The following TMEM62 variants were observed in gnomAD, a reference collection of about 807,000 sequenced individuals.
TMEM62 encodes the protein transmembrane protein 62.
In TMEM62, 41 loss-of-function variants were observed where a neutral mutation model predicts 70.4. That is an observed-to-expected ratio of 0.58 (90% confidence interval 0.45 to 0.76). The LOEUF (loss-of-function observed/expected upper bound fraction) is 0.76, where lower values mean the gene tolerates loss of function less well. Ranked by LOEUF, TMEM62 falls within the 30% of genes least tolerant of loss-of-function variation. TMEM62 has a pLI of 0.00. For missense variants in TMEM62, 688 were observed against 788.5 expected (o/e 0.87, Z 1.53); for synonymous variants, 268 against 291.0 (o/e 0.92, Z 0.80).
At chr15:43,169,923 C>T (rs1011426303) in intron 11 of TMEM62, 10 of 323,442 alleles carry the variant, frequency 3.1e-5, no homozygotes, top group East Asian at 2.7e-4. Flanking sequence ...TGCATTGCTT[C>T]GGCCCCAAAA....
Position 43,171,541 on chromosome 15 carries a change from A to C in TMEM62, c.1381+1864A>C, listed in dbSNP as rs1037804835. ...CCATAAGACAAAAAAATTACTTAAA[A>C]TTTTTTTATTCCTTTATATTGAGAC... On this transcript the variant is annotated intron_variant, in intron 11 of 13. Transcript: ENST00000260403. Among the ~76,000 whole-genome samples, 3 of 150,774 alleles carry C rather than the reference A, an allele frequency of 2.0e-5. No individual in the cohort carries two copies. The South Asian group carries it at 6.3e-4, about 32-fold the overall frequency.
At chr15:43,148,657 TA>T in intron 5 of TMEM62, 97 bp from the exon 6 acceptor site, 1 of 1,410,588 alleles carries the variant, frequency 7.1e-7, no homozygotes. Context: ...ACACATATAA[TA>T]ATTATTATAA....
intron 2 of TMEM62, among the ~76,000 whole-genome samples, chr15:43,134,665 G>C (rs2034954281): frequency 6.6e-6 from 1 of 152,178 alleles, no homozygotes; most frequent in Non-Finnish European, 1.5e-5. Context: ...TTTTGTTCTT[G>C]TTGTTGTTAC....
chr15:43,133,494 C>T, upstream of TMEM62: 1 of 269,632 alleles, frequency 3.7e-6, no homozygotes, highest in Non-Finnish European at 7.0e-6. Flanking sequence ...TCCCGGTCTC[C>T]TTCCCCGCCA....
At chr15:43,138,525 CT>C in intron 3 of TMEM62, 48 bp from the exon 4 acceptor site, 4 of 1,389,178 alleles carry the variant, frequency 2.9e-6, no homozygotes, top group Non-Finnish European at 3.0e-6. Context: ...TGTTTGTATT[CT>C]TTTTTTAATG....
chr15:43,184,292 C>T lies in TMEM62; in HGVS notation c.1638C>T (p.Tyr546=). ...TTTTTAACATCCCCTTGATGGCTTA[C>T]ATGTGTTGGAGCTTGCTGCAGCGGT... is the stretch of plus-strand genomic sequence containing the variant. The part of the protein sequence containing the change: ...LAFFNIPLMA[Y]MCWSLLQRCF... Residue 546 remains tyrosine (Y), a synonymous_variant, in exon 14 of 14, where the codon TAC becomes TAT. Coordinates refer to ENST00000260403, the MANE Select transcript of TMEM62 (RefSeq NM_024956.4). 1.2e-6 allele frequency: 2 copies of T among 1,614,108 alleles called. No homozygotes were observed. Among genetic ancestry groups the T allele is most frequent in the Non-Finnish European group, 8.5e-7 (1 of 1,179,966 alleles).
intron 11 of TMEM62, among the ~76,000 whole-genome samples, chr15:43,173,449 G>A (rs943922564): frequency 2.6e-5 from 4 of 152,152 alleles, no homozygotes; most frequent in African/African-American, 9.7e-5. Context: ...ATAAAGGTCA[G>A]ACATCTCTGC....
upstream of TMEM62, chr15:43,133,227 G>C (rs903347585): frequency 1.3e-5 from 2 of 152,250 alleles, no homozygotes; most frequent in Non-Finnish European, 2.9e-5. Flanking sequence ...ATGGTAGAGG[G>C]AAGGGGAAGA....
chr15:43,164,457 T>C (rs1231290914), intron 10 of TMEM62, among the ~76,000 whole-genome samples: 1 of 151,706 alleles, frequency 6.6e-6, no homozygotes, highest in Non-Finnish European at 1.5e-5. Flanking sequence ...TTTTCTTTTT[T>C]TTTTTTTTTG....
chr15:43,140,305 C>A (rs1205409601), intron 4 of TMEM62, among the ~76,000 whole-genome samples: 2 of 152,204 alleles, frequency 1.3e-5, no homozygotes, highest in East Asian at 1.9e-4. Flanking sequence ...TCATATACTG[C>A]CTTCACCGGG....
rs753636197 is a variant in TMEM62 at position 43,134,300 on chromosome 15, C to A, written c.224C>A (p.Ala75Glu). Residue 75 changes from alanine to glutamate, a missense_variant, in exon 2 of 14, where the codon GCG becomes GAG. Physicochemically the swap from Ala to Glu is moderately radical, Grantham distance 107. Coordinates refer to ENST00000260403, the MANE Select transcript of TMEM62 (RefSeq NM_024956.4). ...HLSRFRDPGRAVDLEKFCSET... is the reference protein window; with the variant it reads ...HLSRFRDPGREVDLEKFCSET... ...AGCAGGTTTCGAGATCCAGGCAGAG[C>A]GGTAGACTTAGAGAAATTCTGTTCT... 1 of 1,614,026 alleles carries A rather than the reference C, an allele frequency of 6.2e-7. No homozygotes were observed. Among genetic ancestry groups the A allele is most frequent in the African/African-American group, 1.3e-5 (1 of 74,926 alleles).
At chr15:43,177,041 T>C (rs1271792471) in intron 11 of TMEM62, among the ~76,000 whole-genome samples, 2 of 151,976 alleles carry the variant, frequency 1.3e-5, no homozygotes, top group African/African-American at 4.8e-5. Context: ...GTGAAGAATG[T>C]AGAAGCCTCA....
Position 43,148,831 on chromosome 15 carries a change from C to T in TMEM62, c.695C>T (p.Thr232Ile). ...SNHTIWFGHF[T>I]TSTILSPSPG... ...CATACAATTTGGTTTGGACACTTTACAACATCCACTATTCTTTCTCCATCA... is the reference window on the plus strand; with the variant it reads ...CATACAATTTGGTTTGGACACTTTATAACATCCACTATTCTTTCTCCATCA... The change falls in exon 6 of 14, where the codon ACA (threonine) becomes ATA (isoleucine). Residue 232 changes from threonine to isoleucine, a missense_variant. Physicochemically the swap from Thr to Ile is moderately conservative, Grantham distance 89 (BLOSUM62 -1). Coordinates refer to ENST00000260403, the MANE Select transcript of TMEM62 (RefSeq NM_024956.4). 6.2e-7 allele frequency: 1 copy of T among 1,614,162 alleles called. No individual in the cohort carries two copies. Among genetic ancestry groups the T allele is most frequent in the Non-Finnish European group, 8.5e-7 (1 of 1,180,010 alleles).
At chr15:43,173,128 T>C (rs1336960059) in intron 11 of TMEM62, among the ~76,000 whole-genome samples, 1 of 152,204 alleles carries the variant, frequency 6.6e-6, no homozygotes. Flanking sequence ...CTCAGGAGGC[T>C]GAGGTTGCAG....
At position 43,169,629 on chromosome 15, in the gene TMEM62, C is replaced by T. The variant is rs560389213; in HGVS notation, c.1333C>T (p.Leu445Phe). The T allele has an allele frequency of 3.1e-6, 5 of 1,614,186 alleles. 1 individual carries two copies. In the South Asian group the frequency reaches 3.3e-5, roughly 11 times the overall value. Reference sequence around the variant, plus strand: ...TTTTGTGCTGATTGTGCTGAGCCAGCTCACCATTCTCATTATTTTTAGATA... The same window carrying T: ...TTTTGTGCTGATTGTGCTGAGCCAGTTCACCATTCTCATTATTTTTAGATA... ...VLFVLIVLSQLTILIIFRYRG... is the reference protein window; with the variant it reads ...VLFVLIVLSQFTILIIFRYRG... The change falls in exon 11 of 14, where the codon CTC (leucine) becomes TTC (phenylalanine). Residue 445 changes from leucine (L) to phenylalanine (F), a missense_variant. By Grantham distance (22) the Leu-to-Phe change is conservative. Coordinates refer to ENST00000260403, the MANE Select transcript of TMEM62 (RefSeq NM_024956.4).
chr15:43,164,467 G>C (rs922422189), intron 10 of TMEM62, among the ~76,000 whole-genome samples: 1 of 97,212 alleles, frequency 1.0e-5, no homozygotes, highest in Non-Finnish European at 2.1e-5. Context: ...TTTTTTTTTT[G>C]AGATGGGGTC....
At chr15:43,159,587 A>T (rs952550259) in intron 9 of TMEM62, among the ~76,000 whole-genome samples, 1 of 152,064 alleles carries the variant, frequency 6.6e-6, no homozygotes, top group African/African-American at 2.4e-5. Context: ...TTCTTTTTTG[A>T]TGGCTGAATA....
chr15:43,134,176 C>A, intron 1 of TMEM62, 81 bp from the exon 2 acceptor site: 1 of 1,519,842 alleles, frequency 6.6e-7, no homozygotes. Context: ...TTCCTTCTGC[C>A]CGAGAGAGCC....
At chr15:43,169,764 G>C (rs1021419934) in intron 11 of TMEM62, 87 bp downstream of exon 11, 2 of 1,151,050 alleles carry the variant, frequency 1.7e-6, no homozygotes, top group African/African-American at 3.1e-5. Flanking sequence ...TTTATTCTAA[G>C]CCAATATGAA....
Sources: allele counts gnomAD v4.1 joint callset (sites outside exome capture counted in the v4.1 genomes callset), GRCh38; gene constraint gnomAD v4.1.1; transcripts MANE v1.5; gene names NCBI Gene and HGNC (gene_info 2026-07-23, HGNC 2026-07-21).